HES1: variants seen among roughly 807,000 people sequenced by gnomAD.
HES1 encodes the protein hes family bHLH transcription factor 1.
A neutral mutation model predicts 21.0 loss-of-function variants in HES1; 7 were observed. That is an observed-to-expected ratio of 0.33 (90% CI 0.19 to 0.63). The LOEUF is 0.63. Among genes scored for constraint, HES1 ranks in the 20% least tolerant of loss-of-function variants. The pLI, the probability that HES1 is intolerant of heterozygous loss-of-function variation, is 0.78. For missense variants in HES1, 338 were observed against 389.8 expected, an observed-to-expected ratio of 0.87 and a Z score of 1.12; for synonymous variants, 169 against 171.2, an observed-to-expected ratio of 0.99 and a Z score of 0.10.
rs946106435 is a variant in HES1, at chr3:194,136,319, C to A, written c.-62C>A. 6.9e-6 allele frequency: 7 copies of A among 1,017,820 alleles called. No homozygotes were observed. Among genetic ancestry groups the A allele is most frequent in the South Asian group, 3.1e-5 (2 of 63,774 alleles). The allele number at this position is 1,017,820 out of a possible 1,614,324, so 63.0% of individuals were successfully genotyped here. ...GTAAAAGAGACACAAACAAAAAATT[C>A]TTTTTCGTGAAGAACTCCAAAAATA... On this transcript the variant is annotated 5_prime_UTR_variant, in exon 1 of 4. Coordinates refer to ENST00000232424, the MANE Select transcript of HES1 (RefSeq NM_005524.4).
At chr3:194,136,782 C>T (rs769232702) in intron 2 of HES1, 70 bp downstream of exon 2, 1 of 1,477,516 alleles carries the variant, frequency 6.8e-7, no homozygotes, top group Non-Finnish European at 9.4e-7. Flanking sequence ...AAGAGTGAAA[C>T]CCCCCGCCCT....
In HES1 at chr3:194,137,692, G is replaced by C; in HGVS notation, c.302G>C (p.Ser101Thr). The C allele has an allele frequency of 6.2e-7, 1 of 1,610,218 alleles. No individual in the cohort carries two copies. The highest frequency in any genetic ancestry group is 8.5e-7 in the Non-Finnish European group (1 of 1,177,942). ...TCTTTCTGGCCCGCAGCTGCGCTGA[G>C]CACAGACCCAAGTGTGCTGGGGAAG... ...LQRAQMTAAL[S>T]TDPSVLGKYR... Residue 101 changes from serine to threonine, a missense_variant, in exon 4 of 4, where the codon AGC becomes ACC. By Grantham distance (58) the Ser-to-Thr change is moderately conservative. Transcript: ENST00000232424. This position sits in a 1 kb window ranked among gnomAD's most constrained non-coding sequence, Gnocchi z 5.4.
At position 194,137,284 on chromosome 3, in the gene HES1, G is replaced by T. The variant is rs914969454; in HGVS notation, c.292+236G>T. ...AGGGTGGCGGGCGCCGGGTAGGGGC[G>T]AAAGGACTTAGGACTGTGGCGGTTT... is the stretch of plus-strand genomic sequence containing the variant. On this transcript the variant is annotated intron_variant, in intron 3 of 3. Transcript: ENST00000232424. This position sits in a 1 kb window ranked among gnomAD's most constrained non-coding sequence, Gnocchi z 5.4. 2 of 604,658 alleles carry T rather than the reference G, an allele frequency of 3.3e-6. No individual in the cohort carries two copies. The highest frequency in any genetic ancestry group is 5.9e-6 in the Non-Finnish European group (2 of 340,558). The allele number at this position is 604,658 out of a possible 1,614,324, so 37.5% of individuals were successfully genotyped here.
Position 194,137,240 on chromosome 3 carries a change from G to GTC in HES1, c.292+192_292+193insTC. 1.6e-6 allele frequency: 1 copy of GTC among 633,272 alleles called. No homozygotes were observed. The highest frequency in any genetic ancestry group is 2.8e-6 in the Non-Finnish European group (1 of 359,624). The allele number at this position is 633,272 out of a possible 1,614,324, so 39.2% of individuals were successfully genotyped here. A position where few individuals can be genotyped will look rare whatever the true frequency, so the allele number is the denominator to read the frequency against. ...GTTGTTACTGTTCCGGAAAGGGAGG[G>GTC]AAAGAGGTTGCAGCCGCGAGGGTGG... is the stretch of plus-strand genomic sequence containing the variant. On this transcript the variant is annotated intron_variant, in intron 3 of 3. Transcript: ENST00000232424. This position sits in a 1 kb window ranked among gnomAD's most constrained non-coding sequence, Gnocchi z 5.4.
Position 194,136,999 on chromosome 3 carries a change from G to A in HES1, c.243G>A (p.Leu81=). The A allele has an allele frequency of 1.2e-6, 2 of 1,614,234 alleles. No homozygotes were observed. Among genetic ancestry groups the A allele is most frequent in the East Asian group, 2.2e-5 (1 of 44,884 alleles). Residue 81 remains leucine (L), a synonymous_variant, in exon 3 of 4, where the codon CTG becomes CTA. Coordinates refer to ENST00000232424, the MANE Select transcript of HES1 (RefSeq NM_005524.4). ...RHSKLEKADI[L]EMTVKHLRNL... ...CCAAGCTGGAGAAGGCGGACATTCT[G>A]GAAATGACAGTGAAGCACCTCCGGA...
Position 194,137,804 on chromosome 3 carries a change from G to A in HES1, c.414G>A (p.Arg138=). 1 of 1,613,500 alleles carries A rather than the reference G, an allele frequency of 6.2e-7. No homozygotes were observed. The highest frequency in any genetic ancestry group is 1.1e-5 in the South Asian group (1 of 91,056). Residue 138 remains arginine (R), a synonymous_variant, in exon 4 of 4, where the codon CGG becomes CGA. Coordinates refer to ENST00000232424, the MANE Select transcript of HES1 (RefSeq NM_005524.4). The surrounding 1 kb of genome is among the most constrained non-coding windows in gnomAD (Gnocchi z 5.4). ...CEGVNTEVRT[R]LLGHLANCMT... The stretch of plus-strand genomic sequence containing the variant: ...GCGTTAATACCGAGGTGCGCACTCG[G>A]CTGCTCGGCCACCTGGCCAACTGCA...
chr3:194,138,017 T>G lies in HES1; in HGVS notation c.627T>G (p.Ala209=). The G allele has an allele frequency of 6.5e-7, 1 of 1,545,144 alleles. No homozygotes were observed. Among genetic ancestry groups the G allele is most frequent in the Admixed American group, 1.9e-5 (1 of 52,410 alleles). Residue 209 remains alanine, a synonymous_variant, in exon 4 of 4, where the codon GCT becomes GCG. Transcript: ENST00000232424. ...GGAPCKLGSQ[A]GEAAKVFGGF... ...CCCCCTGCAAGCTGGGCAGCCAGGC[T>G]GGAGAGGCGGCTAAGGTGTTTGGAG... is the stretch of plus-strand genomic sequence containing the variant.
rs1576926284 is a variant in HES1 at position 194,137,354 on chromosome 3, C to T, written c.292+306C>T. The T allele has an allele frequency of 3.5e-6, 2 of 566,978 alleles. No homozygotes were observed. The highest frequency in any genetic ancestry group is 4.3e-5 in the South Asian group (2 of 46,380). The allele number at this position is 566,978 out of a possible 1,614,324, so 35.1% of individuals were successfully genotyped here. On this transcript the variant is annotated intron_variant, in intron 3 of 3. Transcript: ENST00000232424. The surrounding 1 kb of genome is among the most constrained non-coding windows in gnomAD (Gnocchi z 5.4). ...GGGTCACTGGTTTAGCACTCCTTCCCGTTGCAGAAGGGGAAATGAGGCTTG... is the reference window on the plus strand; with the variant it reads ...GGGTCACTGGTTTAGCACTCCTTCCTGTTGCAGAAGGGGAAATGAGGCTTG...
At position 194,136,316 on chromosome 3, in the gene HES1, A is replaced by G. The variant is rs914604930; in HGVS notation, c.-65A>G. 1.8e-4 allele frequency: 181 copies of G among 993,150 alleles called. No homozygotes were observed. The highest frequency in any genetic ancestry group is 2.6e-4 in the Non-Finnish European group (171 of 669,320). The allele number at this position is 993,150 out of a possible 1,614,324, so 61.5% of individuals were successfully genotyped here. On this transcript the variant is annotated 5_prime_UTR_variant, in exon 1 of 4. Coordinates refer to ENST00000232424, the MANE Select transcript of HES1 (RefSeq NM_005524.4). ...CAAGTAAAAGAGACACAAACAAAAA[A>G]TTCTTTTTCGTGAAGAACTCCAAAA...
chr3:194,136,995 T>C lies in HES1; in HGVS notation c.239T>C (p.Ile80Thr). The C allele has an allele frequency of 6.2e-7, 1 of 1,614,236 alleles. No individual in the cohort carries two copies. Residue 80 changes from isoleucine to threonine, a missense_variant, in exon 3 of 4, where the codon ATT becomes ACT. Physicochemically the swap from Ile to Thr is moderately conservative, Grantham distance 89. Coordinates refer to ENST00000232424, the MANE Select transcript of HES1 (RefSeq NM_005524.4). ...CATTCCAAGCTGGAGAAGGCGGACA[T>C]TCTGGAAATGACAGTGAAGCACCTC... ...SRHSKLEKAD[I>T]LEMTVKHLRN...
rs567823362 is a variant in HES1 at position 194,137,074 on chromosome 3, T to G, written c.292+26T>G. On this transcript the variant is annotated intron_variant, in intron 3 of 3. Coordinates refer to ENST00000232424, the MANE Select transcript of HES1 (RefSeq NM_005524.4). This position sits in a 1 kb window ranked among gnomAD's most constrained non-coding sequence, Gnocchi z 5.4. ...GTGAGGGCGGCTCGCCGCGTCCCCC[T>G]GTGCGGGCGTCCCGCTCGCCTCGCG... 1 of 1,590,270 alleles carries G rather than the reference T, an allele frequency of 6.3e-7. No individual in the cohort carries two copies. Among genetic ancestry groups the G allele is most frequent in the African/African-American group, 1.3e-5 (1 of 74,594 alleles).
At chr3:194,136,778 G>A in intron 2 of HES1, 66 bp downstream of exon 2, 1 of 1,487,400 alleles carries the variant, frequency 6.7e-7, no homozygotes, top group Middle Eastern at 1.7e-4. Flanking sequence ...TACTAAGAGT[G>A]AAACCCCCCG....
chr3:194,136,543 G>A, intron 1 of HES1, 55 bp downstream of exon 1: 1 of 1,562,620 alleles, frequency 6.4e-7, no homozygotes, highest in Non-Finnish European at 8.7e-7. Flanking sequence ...TAGGGGTTGG[G>A]GGGCTTCTTT....
Position 194,138,544 on chromosome 3 carries a change from C to T in HES1, c.*311C>T, listed in dbSNP as rs180757055. On this transcript the variant is annotated 3_prime_UTR_variant, in exon 4 of 4. Coordinates refer to ENST00000232424, the MANE Select transcript of HES1 (RefSeq NM_005524.4). The stretch of plus-strand genomic sequence containing the variant: ...GATGCCAAAGATGTTTGAAAATGCT[C>T]TTAAAATATCTTCCTTTGGGGAAGT... The T allele has an allele frequency of 1.2e-3, 327 of 267,594 alleles. 2 individuals carry two copies. Among genetic ancestry groups the T allele is most frequent in the Middle Eastern group, 9.8e-3 (10 of 1,024 alleles). The allele number at this position is 267,594 out of a possible 1,614,324, so 16.6% of individuals were successfully genotyped here.
chr3:194,137,356 T>C lies in HES1; in HGVS notation c.292+308T>C. On this transcript the variant is annotated intron_variant, in intron 3 of 3. Transcript: ENST00000232424. This position sits in a 1 kb window ranked among gnomAD's most constrained non-coding sequence, Gnocchi z 5.4. ...GTCACTGGTTTAGCACTCCTTCCCG[T>C]TGCAGAAGGGGAAATGAGGCTTGGA... is the stretch of plus-strand genomic sequence containing the variant. 1 of 568,214 alleles carries C rather than the reference T, an allele frequency of 1.8e-6. No homozygotes were observed. Among genetic ancestry groups the C allele is most frequent in the Non-Finnish European group, 3.1e-6 (1 of 318,064 alleles). 35.2% of individuals were successfully genotyped at this position (568,214 alleles called of 1,614,324 possible).
rs531364020 is a variant in HES1, at chr3:194,136,172, A to G, written c.-209A>G. 4 of 520,614 alleles carry G rather than the reference A, an allele frequency of 7.7e-6. No homozygotes were observed. The highest frequency in any genetic ancestry group is 6.5e-5 in the East Asian group (2 of 30,880). The allele number at this position is 520,614 out of a possible 1,614,324, so 32.2% of individuals were successfully genotyped here. ...CACACAGGATCCGGAGCTGGTGCTG[A>G]TAACAGCGGAATCCCCCGTCTACCT... is the stretch of plus-strand genomic sequence containing the variant. On this transcript the variant is annotated 5_prime_UTR_variant, in exon 1 of 4. Coordinates refer to ENST00000232424, the MANE Select transcript of HES1 (RefSeq NM_005524.4).
chr3:194,136,539 T>C, intron 1 of HES1, 51 bp downstream of exon 1: 1 of 1,558,096 alleles, frequency 6.4e-7, no homozygotes, highest in Non-Finnish European at 8.8e-7. Flanking sequence ...TAAGTAGGGG[T>C]TGGGGGGCTT....
chr3:194,138,002 G>C lies in HES1; in HGVS notation c.612G>C (p.Lys204Asn), dbSNP rs1227668452. Residue 204 changes from lysine (K) to asparagine (N), a missense_variant, in exon 4 of 4, where the codon AAG becomes AAC. By Grantham distance (94) the Lys-to-Asn change is moderately conservative. Transcript: ENST00000232424. ...AAPPPGGAPC[K>N]LGSQAGEAAK... ...CCCCTCCCGGCGGCGCCCCCTGCAA[G>C]CTGGGCAGCCAGGCTGGAGAGGCGG... 3.4e-6 allele frequency: 5 copies of C among 1,485,030 alleles called. No homozygotes were observed. The highest frequency in any genetic ancestry group is 4.1e-5 in the Admixed American group (2 of 48,694). The allele number at this position is 1,485,030 out of a possible 1,614,324, so 92.0% of individuals were successfully genotyped here.
At chr3:194,136,741 T>C (rs1226113433) in intron 2 of HES1, 29 bp downstream of exon 2, 21 of 1,577,282 alleles carry the variant, frequency 1.3e-5, no homozygotes, top group Non-Finnish European at 1.7e-5. Context: ...CTCGCTCTTT[T>C]AATTAAAAAA....
Sources: gnomAD v4.1 joint callset for allele counts on GRCh38, gnomAD v4.1.1 for gene constraint, Gnocchi (gnomAD v3.1) non-coding constraint, MANE v1.5 for transcripts, NCBI Gene and HGNC (gene_info 2026-07-23, HGNC 2026-07-21) for gene names.